PPARGC1B: variants seen among roughly 807,000 people sequenced by gnomAD.
PPARGC1B encodes PPARG coactivator 1 beta, also known as peroxisome proliferator-activated receptor gamma coactivator 1-beta.
In PPARGC1B, 34 loss-of-function variants were observed where a neutral mutation model predicts 101.6. The ratio of observed to expected loss-of-function variants is 0.33; its 90% CI spans 0.25 to 0.45. PPARGC1B has a LOEUF of 0.45. Among genes scored for constraint, PPARGC1B ranks in the 20% least tolerant of loss-of-function variants. The pLI is 1.00. For synonymous variants in PPARGC1B, 548 were observed against 539.3 expected (o/e 1.02, Z -0.22); for missense variants, 1,234 against 1,317.6 (o/e 0.94, Z 0.98).
chr5:149,768,472 C>T (rs1270299720), intron 1 of PPARGC1B, among the ~76,000 whole-genome samples: 1 of 118,846 alleles, frequency 8.4e-6, no homozygotes, highest in East Asian at 2.6e-4. Context: ...GAGACAGAGT[C>T]TTGCTCTGTC....
intron 1 of PPARGC1B, among the ~76,000 whole-genome samples, chr5:149,805,758 A>G (rs1049392612): frequency 6.6e-6 from 1 of 152,234 alleles, no homozygotes; most frequent in East Asian, 1.9e-4. Flanking sequence ...TGCCAATCAC[A>G]TAATGTTAAA....
At chr5:149,822,705 C>A (rs1078324) in intron 2 of PPARGC1B, among the ~76,000 whole-genome samples, 11,439 of 152,280 alleles carry the variant, frequency 0.075, 532 homozygotes, top group East Asian at 0.16. Flanking sequence ...ATCTCTTGCA[C>A]GCATGTGTGT....
chr5:149,819,281 C>A (rs1758179350), intron 1 of PPARGC1B, among the ~76,000 whole-genome samples: 1 of 152,186 alleles, frequency 6.6e-6, no homozygotes, highest in Non-Finnish European at 1.5e-5. Context: ...CCGTCTAGAT[C>A]TTTTCCTGTG....
chr5:149,751,746 C>G (rs1755315659), intron 1 of PPARGC1B, among the ~76,000 whole-genome samples: 1 of 151,768 alleles, frequency 6.6e-6, no homozygotes, highest in Non-Finnish European at 1.5e-5. Context: ...ATCCCAGCAC[C>G]CAGAAATAAC....
intron 9 of PPARGC1B, among the ~76,000 whole-genome samples, chr5:149,840,999 C>T (rs1007459851): frequency 1.3e-5 from 2 of 152,140 alleles, no homozygotes; most frequent in Non-Finnish European, 2.9e-5. Context: ...AGGCCTAGCA[C>T]AGTTCTGGGC....
At chr5:149,827,130 A>C (rs1164185797) in intron 3 of PPARGC1B, among the ~76,000 whole-genome samples, 3 of 152,372 alleles carry the variant, frequency 2.0e-5, no homozygotes, top group African/African-American at 7.2e-5. Flanking sequence ...TTGGTACTTT[A>C]GGGATTGACC....
In PPARGC1B at chr5:149,730,622, G is replaced by GCGCTGGGGGCGCTACGGC. The variant is rs1754417388; in HGVS notation, c.78+211_78+228dup. On this transcript the variant is annotated intron_variant, in intron 1 of 11. Coordinates refer to ENST00000309241, the MANE Select transcript of PPARGC1B (RefSeq NM_133263.4). The surrounding 1 kb of genome is among the most constrained non-coding windows in gnomAD (Gnocchi z 4.0). ...CGGAGGTCTCCCGGCGCGTGCCGGA[G>GCGCTGGGGGCGCTACGGC]CGCTGGGGGCGCTACGGCCGCTGGG... Among the ~76,000 whole-genome samples, 2 of 152,144 alleles carry GCGCTGGGGGCGCTACGGC rather than the reference G, an allele frequency of 1.3e-5. No individual in the cohort carries two copies. Among genetic ancestry groups the GCGCTGGGGGCGCTACGGC allele is most frequent in the African/African-American group, 4.8e-5 (2 of 41,442 alleles).
chr5:149,741,445 C>G (rs1754901329), intron 1 of PPARGC1B, among the ~76,000 whole-genome samples: 1 of 152,180 alleles, frequency 6.6e-6, no homozygotes, highest in Non-Finnish European at 1.5e-5. Flanking sequence ...CAGTCCCAGG[C>G]CACAGCAGCC....
intron 1 of PPARGC1B, among the ~76,000 whole-genome samples, chr5:149,787,437 T>G (rs1756854280): frequency 6.6e-6 from 1 of 152,196 alleles, no homozygotes; most frequent in Non-Finnish European, 1.5e-5. Flanking sequence ...ACTTTTATAT[T>G]AAACACCAAA....
chr5:149,739,442 C>G (rs1415842046), intron 1 of PPARGC1B, among the ~76,000 whole-genome samples: 2 of 152,142 alleles, frequency 1.3e-5, no homozygotes, highest in Non-Finnish European at 2.9e-5. Context: ...GGGATTTGAA[C>G]CTTGACTGTG....
chr5:149,750,451 A>ATAT (rs1755244430), intron 1 of PPARGC1B, among the ~76,000 whole-genome samples: 3 of 69,774 alleles, frequency 4.3e-5, no homozygotes, highest in African/African-American at 1.6e-4. Context: ...TGTTTTAGTT[A>ATAT]AAATATATAT....
chr5:149,846,643 G>GAAA (rs10690330), intron 11 of PPARGC1B: 57 of 146,786 alleles, frequency 3.9e-4, no homozygotes, highest in African/African-American at 1.2e-3. Context: ...CAAAAGGAAA[G>GAAA]AAAAAAAAAA....
Position 149,771,354 on chromosome 5 carries a change from C to T in PPARGC1B, c.78+40934C>T, listed in dbSNP as rs1320766649. Among the ~76,000 whole-genome samples, 45 of 152,272 alleles carry T rather than the reference C, an allele frequency of 3.0e-4. 1 individual carries two copies. Among genetic ancestry groups the T allele is most frequent in the Non-Finnish European group, 1.0e-4 (7 of 68,016 alleles). ...CCATTTAGGTGGGGAAATTGGGGTC[C>T]CAAAGGCATCTGCAGCCCAGGTAGG... On this transcript the variant is annotated intron_variant, in intron 1 of 11. Coordinates refer to ENST00000309241, the MANE Select transcript of PPARGC1B (RefSeq NM_133263.4).
intron 3 of PPARGC1B, among the ~76,000 whole-genome samples, chr5:149,830,525 GTTA>G (rs1758738481): frequency 6.6e-6 from 1 of 152,136 alleles, no homozygotes; most frequent in Admixed American, 6.5e-5. Flanking sequence ...ATTCCCTGGG[GTTA>G]TTAACTCTGA....
chr5:149,749,682 C>T (rs904887120), intron 1 of PPARGC1B, among the ~76,000 whole-genome samples: 1 of 152,154 alleles, frequency 6.6e-6, no homozygotes, highest in East Asian at 1.9e-4. Context: ...AGAAGAGTGT[C>T]ATGGTGAGAA....
intron 1 of PPARGC1B, among the ~76,000 whole-genome samples, chr5:149,750,782 G>A (rs978575569): frequency 6.6e-6 from 1 of 152,230 alleles, no homozygotes; most frequent in African/African-American, 2.4e-5. Context: ...CCAGCTGCTG[G>A]ATTTTGCAGC....
intron 1 of PPARGC1B, among the ~76,000 whole-genome samples, chr5:149,737,808 A>G (rs543629327): frequency 6.6e-6 from 1 of 152,346 alleles, no homozygotes; most frequent in South Asian, 2.1e-4. Flanking sequence ...AGCCTGGCCA[A>G]CATGATGAAA....
intron 1 of PPARGC1B, among the ~76,000 whole-genome samples, chr5:149,749,609 T>G (rs184238480): frequency 1.3e-5 from 2 of 152,328 alleles, no homozygotes; most frequent in African/African-American, 4.8e-5. Flanking sequence ...TAATCTCCAT[T>G]GATCTCTATG....
chr5:149,842,164 C>G, intron 9 of PPARGC1B, 92 bp from the exon 10 acceptor site: 1 of 1,510,854 alleles, frequency 6.6e-7, no homozygotes. Flanking sequence ...GCATCATGGA[C>G]TAGGACAAGG....
Sources: allele counts gnomAD v4.1 joint callset (sites outside exome capture counted in the v4.1 genomes callset), GRCh38; gene constraint gnomAD v4.1.1; non-coding constraint Gnocchi (gnomAD v3.1); transcripts MANE v1.5; gene names NCBI Gene and HGNC (gene_info 2026-07-23, HGNC 2026-07-21).